The following RANBP17 variants were observed in gnomAD, a reference collection of about 807,000 sequenced individuals.
RANBP17 encodes ran-binding protein 17.
In RANBP17, 158 loss-of-function variants were observed where a neutral mutation model predicts 141.2. The ratio of observed to expected loss-of-function variants is 1.12; its 90% CI spans 0.98 to 1.28. RANBP17 has a LOEUF of 1.28. Among genes scored for constraint, RANBP17 ranks in the 50% most tolerant of loss-of-function variants. The pLI, the probability that RANBP17 is intolerant of heterozygous loss-of-function variation, is 0.00. For synonymous variants in RANBP17, 430 were observed against 450.0 expected (o/e 0.96, Z 0.56); for missense variants, 1,438 against 1,290.7 (o/e 1.11, Z -1.75).
At chr5:171,057,682 T>C (rs2127664208) in intron 14 of RANBP17, among the ~76,000 whole-genome samples, 1 of 152,302 alleles carries the variant, frequency 6.6e-6, no homozygotes, top group Middle Eastern at 3.4e-3. Context: ...ATTTACAGTT[T>C]TCTGTTGCTG....
At chr5:170,948,515 G>A (rs1411305263) in intron 12 of RANBP17, among the ~76,000 whole-genome samples, 1 of 152,114 alleles carries the variant, frequency 6.6e-6, no homozygotes, top group Non-Finnish European at 1.5e-5. Context: ...AAAAAGAAGT[G>A]TAAGAATTAT....
At chr5:171,296,131 G>A in intron 27 of RANBP17, 117 bp downstream of exon 27, 2 of 1,031,070 alleles carry the variant, frequency 1.9e-6, no homozygotes, top group Non-Finnish European at 2.8e-6. Flanking sequence ...GTTACACCTT[G>A]TGATCCTAGA....
intron 3 of RANBP17, among the ~76,000 whole-genome samples, chr5:170,891,473 C>T (rs1020735189): frequency 6.6e-5 from 10 of 152,074 alleles, no homozygotes; most frequent in African/African-American, 2.4e-4. Flanking sequence ...GTTCAGTTGG[C>T]CTGTATATTA....
chr5:170,953,681 T>G lies in RANBP17; in HGVS notation c.1553T>G (p.Met518Arg). 6.2e-7 allele frequency: 1 copy of G among 1,605,418 alleles called. No homozygotes were observed. The highest frequency in any genetic ancestry group is 8.5e-7 in the Non-Finnish European group (1 of 1,172,622). The change falls in exon 13 of 28, where the codon ATG becomes AGG. Residue 518 changes from methionine (M) to arginine (R), a missense_variant. Physicochemically the swap from Met to Arg is moderately conservative, Grantham distance 91. Coordinates refer to ENST00000523189, the MANE Select transcript of RANBP17 (RefSeq NM_022897.5). ...ACCAGTACAGATGAGCATGATGCTATGGATGGAGAATTATCCTGTCGGTAA... is the reference window on the plus strand; with the variant it reads ...ACCAGTACAGATGAGCATGATGCTAGGGATGGAGAATTATCCTGTCGGTAA... Reference protein sequence around the residue: ...TYTSTDEHDAMDGELSCRVFQ... With the variant: ...TYTSTDEHDARDGELSCRVFQ...
At chr5:171,080,827 T>C (rs1228417126) in intron 14 of RANBP17, among the ~76,000 whole-genome samples, 1 of 152,212 alleles carries the variant, frequency 6.6e-6, no homozygotes, top group Non-Finnish European at 1.5e-5. Flanking sequence ...AAAGAAGCTG[T>C]GTAAGACTGG....
At chr5:171,208,960 G>C (rs564907389) in intron 20 of RANBP17, among the ~76,000 whole-genome samples, 1 of 152,338 alleles carries the variant, frequency 6.6e-6, no homozygotes, top group Admixed American at 6.5e-5. Flanking sequence ...ATTCAGCAAA[G>C]TGGGCTAAGG....
chr5:171,000,754 C>T lies in RANBP17; in HGVS notation c.1710+32377C>T, dbSNP rs186707515. Among the ~76,000 whole-genome samples the T allele has an allele frequency of 1.4e-3, 206 of 152,146 alleles. 1 individual carries two copies. The highest frequency in any genetic ancestry group is 4.7e-3 in the African/African-American group (194 of 41,510). On this transcript the variant is annotated intron_variant, in intron 14 of 27. Coordinates refer to ENST00000523189, the MANE Select transcript of RANBP17 (RefSeq NM_022897.5). ...GCAGTGAGTTAGGAGCAATGTTTTA[C>T]GGGCAGGGGGTGGATCTCACAAAGT...
intron 17 of RANBP17, 40 bp downstream of exon 17, chr5:171,183,270 A>G (rs751780172): frequency 5.7e-6 from 9 of 1,569,384 alleles, no homozygotes; most frequent in Non-Finnish European, 7.9e-6. Context: ...ACATTTTACG[A>G]ATAGTTGAGG....
intron 14 of RANBP17, among the ~76,000 whole-genome samples, chr5:171,098,626 A>G (rs1204025629): frequency 6.6e-6 from 1 of 152,140 alleles, no homozygotes; most frequent in African/African-American, 2.4e-5. Context: ...TGCTGTGCAG[A>G]AGCTCTTTAG....
intron 14 of RANBP17, among the ~76,000 whole-genome samples, chr5:171,091,838 T>C (rs1031430611): frequency 4.6e-5 from 7 of 152,218 alleles, no homozygotes; most frequent in Non-Finnish European, 8.8e-5. Context: ...CTCAGCCACA[T>C]GGAACTGTAA....
chr5:171,010,287 C>T (rs572808644), intron 14 of RANBP17, among the ~76,000 whole-genome samples: 57 of 152,262 alleles, frequency 3.7e-4, no homozygotes, highest in Admixed American at 3.3e-3. Context: ...AGGCTTGCTA[C>T]GGAAAACCTG....
At chr5:170,898,517 G>A (rs969111379) in intron 5 of RANBP17, among the ~76,000 whole-genome samples, 1 of 152,204 alleles carries the variant, frequency 6.6e-6, no homozygotes, top group Non-Finnish European at 1.5e-5. Context: ...CTATGCAGAA[G>A]CTCTTTAGTT....
chr5:171,105,381 CAAAAAAAAAA>C lies in RANBP17; in HGVS notation c.1711-64733_1711-64724del, dbSNP rs1167025699. 1.1e-3 allele frequency among the ~76,000 whole-genome samples: 62 copies of C among 54,296 alleles called. 2 individuals are homozygous for C. In the South Asian group the frequency reaches 0.056, roughly 49 times the overall value. 35.6% of individuals were successfully genotyped at this position (54,296 alleles called of 152,430 possible). A position where few individuals can be genotyped will look rare whatever the true frequency, so the allele number is the denominator to read the frequency against. On this transcript the variant is annotated intron_variant, in intron 14 of 27. Coordinates refer to ENST00000523189, the MANE Select transcript of RANBP17 (RefSeq NM_022897.5). ...TGGGCGACAGAGCGAGACTCCGTCT[CAAAAAAAAAA>C]AAAAAAAAAAAAAAATTTTCCTGGG...
At chr5:170,876,927 T>C (rs1347147792) in intron 1 of RANBP17, among the ~76,000 whole-genome samples, 2 of 152,210 alleles carry the variant, frequency 1.3e-5, no homozygotes, top group East Asian at 3.9e-4. Flanking sequence ...ATATTTTTTC[T>C]TTCAGAGACT....
At chr5:170,959,901 G>A (rs892737706) in intron 13 of RANBP17, among the ~76,000 whole-genome samples, 8 of 152,144 alleles carry the variant, frequency 5.3e-5, no homozygotes, top group African/African-American at 1.2e-4. Flanking sequence ...TGGCAGAGGC[G>A]CAAGAAAATT....
chr5:170,864,113 G>A (rs1312884359), intron 1 of RANBP17, among the ~76,000 whole-genome samples: 5 of 152,154 alleles, frequency 3.3e-5, no homozygotes, highest in East Asian at 3.9e-4. Flanking sequence ...GCATATATAC[G>A]TTTCATTCTG....
intron 2 of RANBP17, among the ~76,000 whole-genome samples, chr5:170,880,489 G>C (rs1768567820): frequency 6.6e-6 from 1 of 152,094 alleles, no homozygotes; most frequent in Admixed American, 6.5e-5. Context: ...CTGTGTGATT[G>C]GCTAACAAAT....
intron 25 of RANBP17, among the ~76,000 whole-genome samples, chr5:171,283,675 T>C (rs1767988001): frequency 1.3e-5 from 2 of 152,240 alleles, no homozygotes; most frequent in South Asian, 4.1e-4. Flanking sequence ...TCGTAGTTCA[T>C]GAGCATGATG....
chr5:170,966,894 C>T (rs1179364694), intron 13 of RANBP17, among the ~76,000 whole-genome samples: 2 of 152,110 alleles, frequency 1.3e-5, no homozygotes, highest in African/African-American at 2.4e-5. Flanking sequence ...TTCTTACACA[C>T]CAATAACAGA....
Sources: gnomAD v4.1 joint callset for allele counts (sites outside exome capture counted in the v4.1 genomes callset) on GRCh38, gnomAD v4.1.1 for gene constraint, MANE v1.5 for transcripts, NCBI Gene and HGNC (gene_info 2026-07-23, HGNC 2026-07-21) for gene names.